The following PID1 variants were observed in gnomAD, a reference collection of about 807,000 sequenced individuals.
PID1 encodes the protein PTB-containing, cubilin and LRP1-interacting protein.
Under a neutral mutation model 19.1 loss-of-function variants are expected in PID1, and 10 were observed. That is an observed-to-expected ratio of 0.52 (90% CI 0.32 to 0.89). PID1 has a LOEUF of 0.89. PID1 is among the 40% of genes least tolerant of loss of function. The pLI is 0.03. For missense variants in PID1, 248 were observed against 285.3 expected (o/e 0.87, Z 0.94); for synonymous variants, 130 against 116.0 (o/e 1.12, Z -0.78).
rs116258542 is a variant in PID1, at chr2:229,120,782, T to C, written c.177+35036A>G. 8.2e-3 allele frequency among the ~76,000 whole-genome samples: 1,240 copies of C among 151,898 alleles called. 21 individuals carry two copies. Among genetic ancestry groups the C allele is most frequent in the African/African-American group, 0.029 (1,201 of 41,402 alleles). On this transcript the variant is annotated intron_variant, in intron 2 of 2. Coordinates refer to ENST00000392055, the MANE Select transcript of PID1 (RefSeq NM_001100818.2). ...GTGGGAGATGTTTGAGTCATGGGGG[T>C]AGATCCCTCAGGATTGGCTTTGTTC...
intron 2 of PID1, among the ~76,000 whole-genome samples, chr2:229,117,512 T>A (rs1340548408): frequency 1.3e-5 from 2 of 152,156 alleles, no homozygotes; most frequent in African/African-American, 2.4e-5. Context: ...ATCCTTCCTT[T>A]CTCTGTAGCC....
Position 229,203,159 on chromosome 2 carries a change from C to T in PID1, c.31-47195G>A, listed in dbSNP as rs367786688. The stretch of plus-strand genomic sequence containing the variant: ...CTGGTGATTCTAGTGAATACCAGTA[C>T]TTGAGAGCCAGTGTCCTTGAAGTTG... On this transcript the variant is annotated intron_variant, in intron 1 of 2. Coordinates refer to ENST00000392055, the MANE Select transcript of PID1 (RefSeq NM_001100818.2). Among the ~76,000 whole-genome samples, 18 of 152,188 alleles carry T rather than the reference C, an allele frequency of 1.2e-4. No individual in the cohort carries two copies. The South Asian group carries it at 1.7e-3, about 14-fold the overall frequency.
chr2:229,265,309 C>T (rs1342824887), intron 1 of PID1, among the ~76,000 whole-genome samples: 2 of 152,178 alleles, frequency 1.3e-5, no homozygotes, highest in African/African-American at 2.4e-5. Context: ...TATTGATCCA[C>T]GTGGCATCAG....
intron 2 of PID1, among the ~76,000 whole-genome samples, chr2:229,105,655 T>A (rs1045878020): frequency 1.3e-5 from 2 of 152,194 alleles, no homozygotes; most frequent in African/African-American, 4.8e-5. Flanking sequence ...GACCCTGAGC[T>A]AAGGGCTCTA....
At chr2:229,147,387 T>C (rs946792744) in intron 2 of PID1, among the ~76,000 whole-genome samples, 49 of 152,206 alleles carry the variant, frequency 3.2e-4, no homozygotes, top group African/African-American at 1.2e-3. Flanking sequence ...AAAATTTAGA[T>C]AATGCAAATA....
At chr2:229,042,343 T>C (rs1264995305) in intron 2 of PID1, among the ~76,000 whole-genome samples, 6 of 152,230 alleles carry the variant, frequency 3.9e-5, no homozygotes, top group Admixed American at 2.6e-4. Flanking sequence ...GGAATATCAA[T>C]GAAGACGTGT....
intron 1 of PID1, among the ~76,000 whole-genome samples, chr2:229,226,401 T>G (rs1333264905): frequency 2.0e-5 from 3 of 152,222 alleles, no homozygotes; most frequent in Non-Finnish European, 4.4e-5. Flanking sequence ...AAGATGTTGC[T>G]GAATCCAGCA....
chr2:229,164,835 G>T (rs1466627941), intron 1 of PID1, among the ~76,000 whole-genome samples: 1 of 152,190 alleles, frequency 6.6e-6, no homozygotes, highest in African/African-American at 2.4e-5. Context: ...AGGAGACAGA[G>T]ATGAAAGCCT....
chr2:229,146,616 A>G (rs1464547519), intron 2 of PID1, among the ~76,000 whole-genome samples: 2 of 152,090 alleles, frequency 1.3e-5, no homozygotes, highest in African/African-American at 4.8e-5. Context: ...TAGGGTGAAT[A>G]CTGGCCACCC....
At chr2:229,126,353 G>A (rs1695622533) in intron 2 of PID1, among the ~76,000 whole-genome samples, 1 of 151,758 alleles carries the variant, frequency 6.6e-6, no homozygotes. Flanking sequence ...AATTTAACAA[G>A]TTTAAATTAC....
intron 2 of PID1, among the ~76,000 whole-genome samples, chr2:229,152,307 C>T (rs1690273878): frequency 6.6e-6 from 1 of 152,128 alleles, no homozygotes; most frequent in Non-Finnish European, 1.5e-5. Flanking sequence ...AGTCTGCTTG[C>T]CAGGGGATTC....
chr2:229,072,837 A>G (rs1350520704), intron 2 of PID1, among the ~76,000 whole-genome samples: 3 of 152,224 alleles, frequency 2.0e-5, no homozygotes, highest in Non-Finnish European at 4.4e-5. Flanking sequence ...AACAGGGTGC[A>G]AAAAGATCTT....
chr2:229,118,660 G>A (rs1427753893), intron 2 of PID1, among the ~76,000 whole-genome samples: 1 of 152,114 alleles, frequency 6.6e-6, no homozygotes, highest in African/African-American at 2.4e-5. Context: ...AGAGTCAAAA[G>A]CCACAGACAT....
At chr2:229,077,413 C>T (rs976948520) in intron 2 of PID1, among the ~76,000 whole-genome samples, 4 of 152,196 alleles carry the variant, frequency 2.6e-5, no homozygotes, top group Non-Finnish European at 4.4e-5. Flanking sequence ...TCAATTTTGG[C>T]TTCTGTTGCA....
intron 2 of PID1, among the ~76,000 whole-genome samples, chr2:229,070,560 A>G (rs1179506475): frequency 6.6e-6 from 1 of 152,216 alleles, no homozygotes; most frequent in Admixed American, 6.5e-5. Flanking sequence ...GCCCCTCCGA[A>G]GGAAGAAGAT....
chr2:229,214,885 T>C (rs1691813555), intron 1 of PID1, among the ~76,000 whole-genome samples: 1 of 152,050 alleles, frequency 6.6e-6, no homozygotes, highest in African/African-American at 2.4e-5. Context: ...CAAATATATA[T>C]AAATGTGATC....
Position 229,155,806 on chromosome 2 carries a change from C to T in PID1, c.177+12G>A, listed in dbSNP as rs757421025. 1.6e-5 allele frequency: 25 copies of T among 1,599,096 alleles called. No homozygotes were observed. Among genetic ancestry groups the T allele is most frequent in the African/African-American group, 4.0e-5 (3 of 74,530 alleles). ...TCACCAAGAGAACCCCTGCTGGCCACGTGCCCCATACCTTGCAGCCACTGT... is the reference window on the plus strand; with the variant it reads ...TCACCAAGAGAACCCCTGCTGGCCATGTGCCCCATACCTTGCAGCCACTGT... On this transcript the variant is annotated intron_variant, in intron 2 of 2. Transcript: ENST00000392055.
intron 1 of PID1, among the ~76,000 whole-genome samples, chr2:229,186,108 T>C (rs887662046): frequency 1.3e-5 from 2 of 152,078 alleles, no homozygotes; most frequent in Admixed American, 1.3e-4. Flanking sequence ...AGCAGGGTAG[T>C]CAAATCTTAA....
intron 2 of PID1, among the ~76,000 whole-genome samples, chr2:229,073,188 G>T (rs547119806): frequency 1.3e-5 from 2 of 152,108 alleles, no homozygotes; most frequent in African/African-American, 2.4e-5. Flanking sequence ...ACCACGCCTG[G>T]CTAATTTTTT....
Sources: gnomAD v4.1 joint callset for allele counts (sites outside exome capture counted in the v4.1 genomes callset) on GRCh38, gnomAD v4.1.1 for gene constraint, MANE v1.5 for transcripts, NCBI Gene and HGNC (gene_info 2026-07-23, HGNC 2026-07-21) for gene names.